The following RNF149 variants were observed in gnomAD, a reference collection of about 807,000 sequenced individuals.
RNF149 encodes the protein E3 ubiquitin-protein ligase RNF149.
RNF149 carries 21 observed loss-of-function variants against 39.0 expected under a neutral mutation model. That is an observed-to-expected ratio of 0.54 (90% CI 0.38 to 0.77). The LOEUF (loss-of-function observed/expected upper bound fraction) is 0.77. RNF149 is among the 30% of genes least tolerant of loss of function. The pLI is 0.00. For synonymous variants in RNF149, 209 were observed against 213.6 expected (o/e 0.98, Z 0.19); for missense variants, 493 against 534.9 (o/e 0.92, Z 0.77).
intron 3 of RNF149, among the ~76,000 whole-genome samples, chr2:101,291,450 A>ATT (rs879864110): frequency 1.5e-3 from 204 of 138,062 alleles, no homozygotes; most frequent in African/African-American, 5.1e-3. Flanking sequence ...CGCCCAGCCT[A>ATT]TTTTTTTTTT....
rs79912923 is a variant in RNF149 at position 101,280,945 on chromosome 2, G to A, written c.1159+914C>T. Among the ~76,000 whole-genome samples, 1,300 of 152,244 alleles carry A rather than the reference G, an allele frequency of 8.5e-3. 17 individuals carry two copies. The highest frequency in any genetic ancestry group is 0.029 in the African/African-American group (1,221 of 41,536). On this transcript the variant is annotated intron_variant, in intron 6 of 6. Transcript: ENST00000295317. ...GCTACTTGGGAGGCAGAGGTGGCAG[G>A]ATTGGTTAAGCCCAGGAGTTTGAGG...
At chr2:101,290,704 G>A (rs1169159521) in intron 3 of RNF149, among the ~76,000 whole-genome samples, 1 of 152,188 alleles carries the variant, frequency 6.6e-6, no homozygotes, top group Non-Finnish European at 1.5e-5. Context: ...TAAAAAGAAT[G>A]ACAAATTAGA....
chr2:101,304,512 A>C (rs1683583241), intron 1 of RNF149, among the ~76,000 whole-genome samples: 1 of 151,972 alleles, frequency 6.6e-6, no homozygotes, highest in South Asian at 2.1e-4. Context: ...TCTGTGTATC[A>C]CTCCTACTAG....
intron 1 of RNF149, among the ~76,000 whole-genome samples, chr2:101,307,564 A>T (rs1683715001): frequency 6.6e-6 from 1 of 152,198 alleles, no homozygotes; most frequent in African/African-American, 2.4e-5. Context: ...CAGTACAGCC[A>T]GTGTTATAAC....
chr2:101,307,995 A>G (rs1683742966), intron 1 of RNF149, 134 bp downstream of exon 1: 2 of 1,444,684 alleles, frequency 1.4e-6, no homozygotes, highest in Non-Finnish European at 1.8e-6. Flanking sequence ...GGCTTCCCTG[A>G]AAGTTCCAAC....
chr2:101,307,753 A>T (rs1270273621), intron 1 of RNF149: 3 of 903,310 alleles, frequency 3.3e-6, no homozygotes, highest in Non-Finnish European at 4.0e-6. Flanking sequence ...CGCTGGGGGA[A>T]GAGTTTGGAT....
chr2:101,281,996 G>C lies in RNF149; in HGVS notation c.1022C>G (p.Ala341Gly). The change falls in exon 6 of 7, where the codon GCT (alanine) becomes GGT (glycine). Residue 341 changes from alanine (A) to glycine (G), a missense_variant. Ala to Gly is a moderately conservative substitution (Grantham distance 60). Coordinates refer to ENST00000295317, the MANE Select transcript of RNF149 (RefSeq NM_173647.4). ...TGGTAAAGCTAGACTCAAATTTGCA[G>C]CTGGATCCCTTCCAGGAGGAGATTC... ...APESPPGRDP[A>G]ANLSLALPDD... The C allele has an allele frequency of 6.2e-7, 1 of 1,614,070 alleles. No individual in the cohort carries two copies. The highest frequency in any genetic ancestry group is 8.5e-7 in the Non-Finnish European group (1 of 1,180,020).
chr2:101,285,602 G>A (rs1432916895), intron 5 of RNF149, among the ~76,000 whole-genome samples: 1 of 152,058 alleles, frequency 6.6e-6, no homozygotes, highest in Non-Finnish European at 1.5e-5. Flanking sequence ...TGTGACCATC[G>A]GTGATGAACC....
intron 4 of RNF149, among the ~76,000 whole-genome samples, chr2:101,288,332 G>A (rs1261127674): frequency 6.7e-6 from 1 of 149,720 alleles, no homozygotes; most frequent in African/African-American, 2.5e-5. Flanking sequence ...GTGCCTCCCG[G>A]GTTCAAGTAA....
chr2:101,288,029 G>T (rs1290659406), intron 4 of RNF149, among the ~76,000 whole-genome samples: 1 of 151,876 alleles, frequency 6.6e-6, no homozygotes, highest in Non-Finnish European at 1.5e-5. Flanking sequence ...ACAGAGTCTT[G>T]CCATGTCACC....
At position 101,308,668 on chromosome 2, in the gene RNF149, A is replaced by T; in HGVS notation, c.-80T>A. The T allele has an allele frequency of 7.8e-7, 1 of 1,279,876 alleles. No individual in the cohort carries two copies. The highest frequency in any genetic ancestry group is 2.8e-5 in the East Asian group (1 of 35,456). The allele number at this position is 1,279,876 out of a possible 1,614,324, so 79.3% of individuals were successfully genotyped here. On this transcript the variant is annotated 5_prime_UTR_variant, in exon 1 of 7. Coordinates refer to ENST00000295317, the MANE Select transcript of RNF149 (RefSeq NM_173647.4). ...AGTCGAAGAGCAGAGAGAAGCGGAC[A>T]CCCACCGCCGCCCTGGAAGACTGAG... is the stretch of plus-strand genomic sequence containing the variant.
intron 2 of RNF149, 155 bp downstream of exon 2, chr2:101,294,752 ACAAAACAAAAAATTTAACATAGTC>A (rs1683154146): frequency 3.3e-6 from 2 of 606,474 alleles, no homozygotes; most frequent in Admixed American, 3.2e-5. Flanking sequence ...CTAATTTCCC[ACAAAACAAAAAATTTAACATAGTC>A]CAATTAAAAA....
At chr2:101,306,682 A>C (rs990848228) in intron 1 of RNF149, among the ~76,000 whole-genome samples, 3 of 152,044 alleles carry the variant, frequency 2.0e-5, no homozygotes, top group African/African-American at 4.8e-5. Context: ...CCATACTCCC[A>C]CAGTTTCTGC....
At chr2:101,283,149 C>G (rs984038764) in intron 5 of RNF149, among the ~76,000 whole-genome samples, 8 of 152,192 alleles carry the variant, frequency 5.3e-5, no homozygotes, top group African/African-American at 1.9e-4. Context: ...AATGCACTTG[C>G]CCCACCTTCC....
downstream of RNF149, among the ~76,000 whole-genome samples, chr2:101,273,723 T>C (rs991131246): frequency 2.6e-5 from 4 of 152,168 alleles, no homozygotes; most frequent in African/African-American, 9.6e-5. Flanking sequence ...TCCTCCCATC[T>C]TGGCCTCCCA....
At chr2:101,290,095 G>A (rs184201350) in intron 3 of RNF149, among the ~76,000 whole-genome samples, 32 of 152,220 alleles carry the variant, frequency 2.1e-4, no homozygotes, top group African/African-American at 3.4e-4. Flanking sequence ...CAGGAGAATC[G>A]CTTGAACCCA....
At chr2:101,288,796 A>G (rs549004492) in intron 4 of RNF149, 177 bp downstream of exon 4, 160 of 539,734 alleles carry the variant, frequency 3.0e-4, no homozygotes, top group Non-Finnish European at 4.4e-4. Context: ...TCCTAGGCAA[A>G]GCAATCTTAA....
At chr2:101,297,233 T>C (rs1298248385) in intron 1 of RNF149, among the ~76,000 whole-genome samples, 2 of 150,088 alleles carry the variant, frequency 1.3e-5, no homozygotes, top group Non-Finnish European at 2.9e-5. Context: ...AAAGGGCAAA[T>C]GGTCAACTTG....
rs535884865 is a variant in RNF149 at position 101,291,871 on chromosome 2, G to A, written c.780+2143C>T. Among the ~76,000 whole-genome samples, 5 of 152,276 alleles carry A rather than the reference G, an allele frequency of 3.3e-5. No individual in the cohort carries two copies. In the East Asian group the frequency reaches 9.6e-4, roughly 29 times the overall value. On this transcript the variant is annotated intron_variant, in intron 3 of 6. Coordinates refer to ENST00000295317, the MANE Select transcript of RNF149 (RefSeq NM_173647.4). The stretch of plus-strand genomic sequence containing the variant: ...TACAGTTTAAAATGTAAAACTGCAA[G>A]AAAATCCATGTACAGCTGCTCTTCA...
Sources: allele counts gnomAD v4.1 joint callset (sites outside exome capture counted in the v4.1 genomes callset), GRCh38; gene constraint gnomAD v4.1.1; transcripts MANE v1.5; gene names NCBI Gene and HGNC (gene_info 2026-07-23, HGNC 2026-07-21).